KIF17: variants seen among roughly 807,000 people sequenced by gnomAD.
The protein encoded by KIF17 is kinesin family member 17.
KIF17 carries 80 observed loss-of-function variants against 96.8 expected under a neutral mutation model. The ratio of observed to expected loss-of-function variants is 0.83; its 90% CI spans 0.69 to 1.00. The LOEUF is 1.00. Ranked by LOEUF, KIF17 falls within the 50% of genes least tolerant of loss-of-function variation. The pLI, the probability that KIF17 is intolerant of heterozygous loss-of-function variation, is 0.00. For synonymous variants in KIF17, 567 were observed against 587.5 expected (o/e 0.97, Z 0.51); for missense variants, 1,280 against 1,372.9 (o/e 0.93, Z 1.07).
At position 20,704,919 on chromosome 1, in the gene KIF17, A is replaced by C; in HGVS notation, c.671-20T>G. The C allele has an allele frequency of 6.3e-7, 1 of 1,596,560 alleles. No individual in the cohort carries two copies. The highest frequency in any genetic ancestry group is 8.5e-7 in the Non-Finnish European group (1 of 1,177,876). ...GCTCATCTGCACACAGACCAGGCAA[A>C]GTGGCGAGGGCCTCGGGTGAGCCCT... On this transcript the variant is annotated intron_variant, in intron 4 of 14. Coordinates refer to ENST00000400463, the MANE Select transcript of KIF17 (RefSeq NM_001122819.3). This position sits in a 1 kb window ranked among gnomAD's most constrained non-coding sequence, Gnocchi z 6.8.
At position 20,717,670 on chromosome 1, in the gene KIF17, G is replaced by A. The variant is rs765763185; in HGVS notation, c.37C>T (p.Arg13Cys). 1.2e-6 allele frequency: 2 copies of A among 1,601,364 alleles called. No individual in the cohort carries two copies. Among genetic ancestry groups the A allele is most frequent in the Non-Finnish European group, 1.7e-6 (2 of 1,178,368 alleles). ...SEAVKVVVRC[R>C]PMNQRERELR... ...TCTCGCTCCCGCTGGTTCATGGGAC[G>A]GCAGCGCACGACAACCTTCACCGCC... The change falls in exon 1 of 15, where the codon CGT becomes TGT. Residue 13 changes from arginine to cysteine, a missense_variant. Coordinates refer to ENST00000400463, the MANE Select transcript of KIF17 (RefSeq NM_001122819.3).
chr1:20,710,541 C>T (rs755849230), intron 3 of KIF17, among the ~76,000 whole-genome samples: 8 of 152,150 alleles, frequency 5.3e-5, no homozygotes, highest in Non-Finnish European at 7.4e-5. Context: ...CTGTGAAACA[C>T]GGTATTTTTC....
intron 5 of KIF17, among the ~76,000 whole-genome samples, chr1:20,702,744 G>A (rs373325642): frequency 2.8e-4 from 43 of 152,226 alleles, no homozygotes; most frequent in South Asian, 2.1e-3. Flanking sequence ...TGCCTCCTCC[G>A]GGAAGCTTTC....
chr1:20,683,055 A>T (rs948233677), intron 10 of KIF17, among the ~76,000 whole-genome samples, 171 bp from the exon 11 acceptor site: 14 of 152,160 alleles, frequency 9.2e-5, no homozygotes, highest in Admixed American at 9.2e-4. Flanking sequence ...CAGGGTCACA[A>T]CCAGGATTCC....
rs1368658158 is a variant in KIF17 at position 20,664,230 on chromosome 1, C to G, written c.*354G>C. 27 of 760,712 alleles carry G rather than the reference C, an allele frequency of 3.5e-5. No individual in the cohort carries two copies. Among genetic ancestry groups the G allele is most frequent in the Non-Finnish European group, 4.7e-5 (26 of 548,268 alleles). The allele number at this position is 760,712 out of a possible 1,614,324, so 47.1% of individuals were successfully genotyped here. ...CTCCACGTGGCAGCTGCTGCCCTCT[C>G]CATCAGGGCTGGTGAAGGCCGTGAA... On this transcript the variant is annotated 3_prime_UTR_variant, in exon 15 of 15. Coordinates refer to ENST00000400463, the MANE Select transcript of KIF17 (RefSeq NM_001122819.3).
Position 20,666,307 on chromosome 1 carries a change from G to C in KIF17, c.2815C>G (p.Leu939Val), listed in dbSNP as rs369950539. Reference sequence around the variant, plus strand: ...ATGTTTTCACTGTTGCTCCGACTGAGCATGAGCCTGTAGCGGTCGTCCTCC... The same window carrying C: ...ATGTTTTCACTGTTGCTCCGACTGACCATGAGCCTGTAGCGGTCGTCCTCC... The part of the protein sequence containing the change: ...NMEDDRYRLM[L>V]SRSNSENIAS... The change falls in exon 14 of 15, where the codon CTC becomes GTC. Residue 939 changes from leucine to valine, a missense_variant. Leu to Val is a conservative substitution (Grantham distance 32). Transcript: ENST00000400463. The C allele has an allele frequency of 1.9e-6, 3 of 1,613,980 alleles. No homozygotes were observed. Among genetic ancestry groups the C allele is most frequent in the Non-Finnish European group, 2.5e-6 (3 of 1,179,916 alleles).
rs573879362 is a variant in KIF17, at chr1:20,670,783, C to T, written c.2723-295G>A. 4.6e-5 allele frequency among the ~76,000 whole-genome samples: 7 copies of T among 152,194 alleles called. No individual in the cohort carries two copies. The East Asian group carries it at 7.7e-4, about 17-fold the overall frequency. On this transcript the variant is annotated intron_variant, in intron 12 of 14. Coordinates refer to ENST00000400463, the MANE Select transcript of KIF17 (RefSeq NM_001122819.3). ...TCCCAGAGCATGTGGGAAATGGAGGCGGGCTGGGGTCTCAGCAGGGATGGT... is the reference window on the plus strand; with the variant it reads ...TCCCAGAGCATGTGGGAAATGGAGGTGGGCTGGGGTCTCAGCAGGGATGGT...
intron 7 of KIF17, among the ~76,000 whole-genome samples, chr1:20,689,218 G>A (rs761450301): frequency 4.1e-4 from 62 of 152,286 alleles, no homozygotes; most frequent in East Asian, 1.5e-3. Flanking sequence ...AAGCGGTACC[G>A]ACGGTGCGAT....
At chr1:20,682,136 C>T (rs542451563) in intron 11 of KIF17, among the ~76,000 whole-genome samples, 40 of 152,110 alleles carry the variant, frequency 2.6e-4, no homozygotes, top group Admixed American at 2.6e-3. Context: ...TACCCGCATG[C>T]ATGCACACAC....
At position 20,714,831 on chromosome 1, in the gene KIF17, G is replaced by A. The variant is rs1019687051; in HGVS notation, c.378+662C>T. ...AAAAAAAAAACACCTGAGGCCACAG[G>A]GAAGGCCTGGGCCAAGCACTGGCTC... On this transcript the variant is annotated intron_variant, in intron 2 of 14. Coordinates refer to ENST00000400463, the MANE Select transcript of KIF17 (RefSeq NM_001122819.3). 3.3e-4 allele frequency among the ~76,000 whole-genome samples: 49 copies of A among 150,682 alleles called. 1 individual carries two copies. Among genetic ancestry groups the A allele is most frequent in the African/African-American group, 1.2e-3 (48 of 41,150 alleles).
rs769839445 is a variant in KIF17 at position 20,699,958 on chromosome 1, G to A, written c.1124-1470C>T. 6.6e-6 allele frequency among the ~76,000 whole-genome samples: 1 copy of A among 152,210 alleles called. No homozygotes were observed. The highest frequency in any genetic ancestry group is 1.5e-5 in the Non-Finnish European group (1 of 68,032). On this transcript the variant is annotated intron_variant, in intron 5 of 14. Transcript: ENST00000400463. The surrounding 1 kb of genome is among the most constrained non-coding windows in gnomAD (Gnocchi z 4.3). ...TGAACAGGCTCTCCCTGGCTGCTGC[G>A]TGGAGAGTGCACTGAGGGGAACCAG...
intron 6 of KIF17, among the ~76,000 whole-genome samples, chr1:20,694,456 G>C (rs532457632): frequency 6.6e-6 from 1 of 152,338 alleles, no homozygotes; most frequent in East Asian, 1.9e-4. Context: ...TGGCTCAAGA[G>C]AAGGGCAAGG....
At chr1:20,670,959 T>C (rs193139445) in intron 12 of KIF17, among the ~76,000 whole-genome samples, 6 of 152,288 alleles carry the variant, frequency 3.9e-5, no homozygotes, top group Admixed American at 3.9e-4. Context: ...CTGAGACTCA[T>C]CAGAGGTGAG....
intron 3 of KIF17, among the ~76,000 whole-genome samples, chr1:20,713,083 C>T (rs1015572710): frequency 2.0e-5 from 3 of 149,208 alleles, no homozygotes; most frequent in African/African-American, 7.4e-5. Flanking sequence ...GCAACCTCTA[C>T]CTCCTGGGTT....
chr1:20,701,043 T>A (rs1351529792), intron 5 of KIF17, among the ~76,000 whole-genome samples: 1 of 152,204 alleles, frequency 6.6e-6, no homozygotes. Flanking sequence ...CCCATGTGTG[T>A]GTGCCTGACC....
chr1:20,714,313 C>T (rs1299700489), intron 2 of KIF17, among the ~76,000 whole-genome samples: 5 of 150,082 alleles, frequency 3.3e-5, no homozygotes, highest in Admixed American at 2.0e-4. Context: ...GACAACAGAG[C>T]GAGACTCCGT....
intron 8 of KIF17, 96 bp from the exon 9 acceptor site, chr1:20,686,222 G>T: frequency 1.0e-6 from 1 of 1,002,644 alleles, no homozygotes; most frequent in Non-Finnish European, 1.5e-6. Context: ...ACTCCCCAAG[G>T]CCTCCCACCA....
At chr1:20,689,301 CA>C (rs1385489229) in intron 7 of KIF17, among the ~76,000 whole-genome samples, 1 of 152,198 alleles carries the variant, frequency 6.6e-6, no homozygotes, top group Admixed American at 6.5e-5. Context: ...CTCCAGGCAG[CA>C]TGCGTGTTTG....
intron 10 of KIF17, 128 bp from the exon 11 acceptor site, chr1:20,683,012 A>G (rs1408980220): frequency 5.3e-6 from 4 of 760,206 alleles, no homozygotes; most frequent in Non-Finnish European, 8.6e-6. Context: ...ACAGGGAGGG[A>G]AACCGAGGCT....
Sources: gnomAD v4.1 joint callset for allele counts (sites outside exome capture counted in the v4.1 genomes callset) on GRCh38, gnomAD v4.1.1 for gene constraint, Gnocchi (gnomAD v3.1) non-coding constraint, MANE v1.5 for transcripts, NCBI Gene and HGNC (gene_info 2026-07-23, HGNC 2026-07-21) for gene names.